CACNA2D1: variants seen among roughly 807,000 people sequenced by gnomAD.
CACNA2D1 encodes voltage-dependent calcium channel subunit alpha-2/delta-1.
Under a neutral mutation model 171.5 loss-of-function variants are expected in CACNA2D1, and 53 were observed. The observed-to-expected ratio is 0.31, with a 90% CI of 0.25 to 0.39. The LOEUF (loss-of-function observed/expected upper bound fraction) is 0.39, where lower values mean the gene tolerates loss of function less well. Ranked by LOEUF, CACNA2D1 falls within the 10% of genes least tolerant of loss-of-function variation. CACNA2D1 has a pLI of 1.00. For synonymous variants in CACNA2D1, 442 were observed against 443.1 expected (o/e 1.00, Z 0.03); for missense variants, 903 against 1,299.8 (o/e 0.69, Z 4.69).
intron 4 of CACNA2D1, among the ~76,000 whole-genome samples, chr7:82,144,146 G>A (rs1238259365): frequency 6.6e-6 from 1 of 151,878 alleles, no homozygotes; most frequent in Non-Finnish European, 1.5e-5. Flanking sequence ...AATCCTTGAG[G>A]CTTCCTTCAT....
intron 10 of CACNA2D1, among the ~76,000 whole-genome samples, chr7:82,052,175 T>TG (rs1015732637): frequency 3.3e-5 from 5 of 152,144 alleles, no homozygotes; most frequent in Non-Finnish European, 5.9e-5. Context: ...CTTTTGGGTA[T>TG]GAAGATAAAG....
intron 7 of CACNA2D1, among the ~76,000 whole-genome samples, chr7:82,083,832 T>A (rs989939379): frequency 7.2e-5 from 11 of 152,140 alleles, no homozygotes; most frequent in African/African-American, 2.7e-4. Context: ...ACTTATATAT[T>A]TTCTAATTTT....
intron 3 of CACNA2D1, among the ~76,000 whole-genome samples, chr7:82,254,476 A>C (rs949684796): frequency 6.6e-6 from 1 of 152,096 alleles, no homozygotes; most frequent in African/African-American, 2.4e-5. Flanking sequence ...ATATTATGTA[A>C]TGATTATGAC....
chr7:82,022,055 TTTCA>T (rs1801284421), intron 12 of CACNA2D1, among the ~76,000 whole-genome samples: 1 of 152,054 alleles, frequency 6.6e-6, no homozygotes, highest in Non-Finnish European at 1.5e-5. Flanking sequence ...TAACCTCATT[TTTCA>T]TTCAGTTTGT....
chr7:82,435,834 G>T (rs891181724), intron 1 of CACNA2D1, among the ~76,000 whole-genome samples: 1 of 151,988 alleles, frequency 6.6e-6, no homozygotes, highest in African/African-American at 2.4e-5. Context: ...TGCAAATGTC[G>T]ATGTAATATG....
chr7:82,387,195 AAGC>A (rs1824506623), intron 1 of CACNA2D1, among the ~76,000 whole-genome samples: 1 of 152,178 alleles, frequency 6.6e-6, no homozygotes, highest in South Asian at 2.1e-4. Flanking sequence ...GTCCTTTCCC[AAGC>A]ATTTTAAAAA....
chr7:82,356,862 A>G (rs1585632979), intron 1 of CACNA2D1, among the ~76,000 whole-genome samples: 1 of 152,036 alleles, frequency 6.6e-6, no homozygotes, highest in East Asian at 1.9e-4. Flanking sequence ...AATTCCAAAT[A>G]TTTTGTGTGT....
At position 82,170,480 on chromosome 7, in the gene CACNA2D1, A is replaced by G. The variant is rs1795898170; in HGVS notation, c.354+70T>C. 5 of 984,462 alleles carry G rather than the reference A, an allele frequency of 5.1e-6. No individual in the cohort carries two copies. The East Asian group carries it at 1.2e-4, about 23-fold the overall frequency. 61.0% of individuals were successfully genotyped at this position (984,462 alleles called of 1,614,324 possible). A position where few individuals can be genotyped will look rare whatever the true frequency, so the allele number is the denominator to read the frequency against. On this transcript the variant is annotated intron_variant, in intron 4 of 38. Transcript: ENST00000356860. ...AGATTCCATCATTAAAATATATTTT[A>G]ATATGCATGTAATTATCCATACACA...
intron 28 of CACNA2D1, 98 bp downstream of exon 28, chr7:81,969,783 G>T: frequency 1.4e-6 from 1 of 730,766 alleles, no homozygotes; most frequent in Non-Finnish European, 2.5e-6. Flanking sequence ...ATTCTGAGTA[G>T]TTAACATAAA....
At chr7:82,022,248 C>G (rs1268768751) in intron 12 of CACNA2D1, among the ~76,000 whole-genome samples, 1 of 151,428 alleles carries the variant, frequency 6.6e-6, no homozygotes, top group Admixed American at 6.6e-5. Flanking sequence ...CACACACACA[C>G]ACACGTGCAT....
intron 4 of CACNA2D1, among the ~76,000 whole-genome samples, chr7:82,152,222 A>G (rs1350138335): frequency 6.6e-6 from 1 of 151,930 alleles, no homozygotes; most frequent in East Asian, 1.9e-4. Flanking sequence ...ATTTATATTA[A>G]TATAATTCGC....
At chr7:82,111,394 GTATATATATATTCATATAT>G (rs1788391456) in intron 6 of CACNA2D1, among the ~76,000 whole-genome samples, 1 of 107,760 alleles carries the variant, frequency 9.3e-6, no homozygotes, top group East Asian at 2.9e-4. Flanking sequence ...GTGTATATAT[GTATATATATATTCATATAT>G]GTGTATATAT....
chr7:82,279,350 CA>C (rs1158883490), intron 3 of CACNA2D1, among the ~76,000 whole-genome samples: 1 of 152,090 alleles, frequency 6.6e-6, no homozygotes, highest in Non-Finnish European at 1.5e-5. Context: ...GAAGTTATTA[CA>C]AGTGGTATAG....
At chr7:82,291,967 C>T (rs1192727977) in intron 3 of CACNA2D1, among the ~76,000 whole-genome samples, 2 of 151,476 alleles carry the variant, frequency 1.3e-5, no homozygotes, top group African/African-American at 4.9e-5. Flanking sequence ...TTCCCTTCCC[C>T]ACTACAAACA....
chr7:81,963,237 A>G (rs1401501544), intron 34 of CACNA2D1, among the ~76,000 whole-genome samples: 1 of 152,016 alleles, frequency 6.6e-6, no homozygotes, highest in Non-Finnish European at 1.5e-5. Context: ...AAATTTTAAA[A>G]TCTTTTTTGC....
In CACNA2D1 at chr7:82,014,835, C is replaced by T. The variant is rs763094084; in HGVS notation, c.1144-356G>A. ...TCGGGAGGCCCAGGCGGGCAGATCA[C>T]CTGAGGTCAGGAGTTCGAGACCATC... On this transcript the variant is annotated intron_variant, in intron 12 of 38. Coordinates refer to ENST00000356860, the MANE Select transcript of CACNA2D1 (RefSeq NM_000722.4). 3.7e-4 allele frequency among the ~76,000 whole-genome samples: 56 copies of T among 152,070 alleles called. 1 individual carries two copies. The highest frequency in any genetic ancestry group is 2.6e-4 in the Admixed American group (4 of 15,256).
At chr7:82,278,305 G>A (rs115930181) in intron 3 of CACNA2D1, among the ~76,000 whole-genome samples, 1,829 of 152,146 alleles carry the variant, frequency 0.012, 37 homozygotes, top group African/African-American at 0.041. Context: ...CTGGCTGGGC[G>A]CAGTGGCTCA....
chr7:81,968,314 C>T (rs906175057), intron 29 of CACNA2D1, among the ~76,000 whole-genome samples: 8 of 151,378 alleles, frequency 5.3e-5, no homozygotes, highest in African/African-American at 1.9e-4. Context: ...CTCACTCTAG[C>T]CCACTTCCGA....
intron 6 of CACNA2D1, among the ~76,000 whole-genome samples, chr7:82,111,917 T>G (rs994432467): frequency 6.6e-6 from 1 of 152,128 alleles, no homozygotes; most frequent in East Asian, 1.9e-4. Flanking sequence ...AATCCATCAA[T>G]AAATCAAAAT....
Sources: gnomAD v4.1 joint callset for allele counts (sites outside exome capture counted in the v4.1 genomes callset) on GRCh38, gnomAD v4.1.1 for gene constraint, MANE v1.5 for transcripts, NCBI Gene and HGNC (gene_info 2026-07-23, HGNC 2026-07-21) for gene names.